The following SGCD variants were observed in gnomAD, a reference collection of about 807,000 sequenced individuals.
SGCD encodes the protein sarcoglycan delta.
In SGCD, 18 loss-of-function variants were observed where a neutral mutation model predicts 36.6. The ratio of observed to expected loss-of-function variants is 0.49; its 90% CI spans 0.34 to 0.73. The LOEUF (loss-of-function observed/expected upper bound fraction) is 0.73, where lower values mean the gene tolerates loss of function less well. SGCD is among the 30% of genes least tolerant of loss of function. The pLI is 0.01. For synonymous variants in SGCD, 133 were observed against 130.6 expected (o/e 1.02, Z -0.12); for missense variants, 387 against 346.7 (o/e 1.12, Z -0.92).
chr5:155,802,583 T>C, the SGCD span, among the ~76,000 whole-genome samples: 1 of 152,194 alleles, frequency 6.6e-6, no homozygotes, highest in African/African-American at 2.4e-5. Context: ...ACAGTTATTA[T>C]TGCTTTGCTG....
chr5:156,262,179 T>C (rs1001954592), intron 3 of SGCD, among the ~76,000 whole-genome samples: 5 of 152,262 alleles, frequency 3.3e-5, no homozygotes, highest in East Asian at 1.9e-4. Flanking sequence ...ACTCACTGAC[T>C]CACTCAGAGC....
chr5:156,723,893 A>G (rs914474185), intron 7 of SGCD, among the ~76,000 whole-genome samples: 12 of 151,900 alleles, frequency 7.9e-5, no homozygotes, highest in African/African-American at 2.4e-4. Context: ...ATGCATGCAT[A>G]ATATGAGCAA....
At chr5:156,273,214 G>A (rs62383776) in intron 3 of SGCD, among the ~76,000 whole-genome samples, 29,105 of 152,056 alleles carry the variant, frequency 0.19, 4,605 homozygotes, top group African/African-American at 0.44. Context: ...AAGCCCCAGG[G>A]CCCCTCTCTT....
At chr5:156,531,107 G>T (rs1757871614) in intron 4 of SGCD, among the ~76,000 whole-genome samples, 1 of 152,142 alleles carries the variant, frequency 6.6e-6, no homozygotes, top group Non-Finnish European at 1.5e-5. Context: ...TGGGATTAAT[G>T]CCCTTATGAC....
At chr5:156,152,112 A>T (rs1488543136) in intron 3 of SGCD, among the ~76,000 whole-genome samples, 1 of 151,580 alleles carries the variant, frequency 6.6e-6, no homozygotes, top group African/African-American at 2.4e-5. Context: ...TTACCCCTTT[A>T]TAATGTTGAA....
intron 3 of SGCD, among the ~76,000 whole-genome samples, chr5:156,380,669 T>C (rs951127484): frequency 6.6e-6 from 1 of 152,206 alleles, no homozygotes; most frequent in Non-Finnish European, 1.5e-5. Flanking sequence ...CCATGTGATA[T>C]TAAATATGTC....
chr5:156,713,412 G>GCA (rs932940971), intron 7 of SGCD, among the ~76,000 whole-genome samples: 1 of 149,504 alleles, frequency 6.7e-6, no homozygotes, highest in South Asian at 2.2e-4. Context: ...GAACATGTCG[G>GCA]GGGGGGCGTT....
intron 1 of SGCD, among the ~76,000 whole-genome samples, chr5:155,977,157 C>T (rs1379585997): frequency 6.6e-6 from 1 of 152,204 alleles, no homozygotes; most frequent in African/African-American, 2.4e-5. Flanking sequence ...GGAAGCACCT[C>T]ATCATTGCCC....
the SGCD span, among the ~76,000 whole-genome samples, chr5:155,824,607 C>T: frequency 6.6e-6 from 1 of 152,264 alleles, no homozygotes; most frequent in East Asian, 1.9e-4. Context: ...CCTTCACATG[C>T]ATTTCTTCCT....
At chr5:156,642,100 C>G (rs533191005) in intron 6 of SGCD, among the ~76,000 whole-genome samples, 18 of 152,244 alleles carry the variant, frequency 1.2e-4, no homozygotes, top group Non-Finnish European at 1.9e-4. Context: ...CTTACTGTAT[C>G]TTCACATGGT....
chr5:156,107,680 T>C (rs1183725550), intron 1 of SGCD, among the ~76,000 whole-genome samples: 1 of 152,156 alleles, frequency 6.6e-6, no homozygotes, highest in East Asian at 1.9e-4. Flanking sequence ...GTAGTTGATC[T>C]TTGTTTTTTT....
chr5:156,289,028 G>A (rs1766690327), intron 3 of SGCD, among the ~76,000 whole-genome samples: 1 of 152,260 alleles, frequency 6.6e-6, no homozygotes, highest in East Asian at 1.9e-4. Context: ...AGGAGTTAGA[G>A]TCCTTGTTAG....
chr5:156,719,687 G>T (rs972178102), intron 7 of SGCD, among the ~76,000 whole-genome samples: 2 of 152,104 alleles, frequency 1.3e-5, no homozygotes, highest in Admixed American at 1.3e-4. Context: ...AATTTAAACG[G>T]CTGTCATATG....
chr5:156,167,203 G>A (rs1763234167), intron 3 of SGCD, among the ~76,000 whole-genome samples: 1 of 151,980 alleles, frequency 6.6e-6, no homozygotes, highest in East Asian at 1.9e-4. Flanking sequence ...CTGACAATCC[G>A]CATATGTTCC....
intron 1 of SGCD, among the ~76,000 whole-genome samples, chr5:156,035,400 G>A (rs1759464338): frequency 6.6e-6 from 1 of 152,082 alleles, no homozygotes; most frequent in African/African-American, 2.4e-5. Context: ...GAGGCCAAGT[G>A]TTCAATACTA....
Position 156,307,552 on chromosome 5 carries a change from G to GT in SGCD, c.-43-21980dup. ...CTTCTTGTCTGTATACATTTTAACT[G>GT]TTGTTTTTTTTTTTTTTTTTTTTTT... On this transcript the variant is annotated intron_variant, in intron 3 of 9. Coordinates refer to the SGCD transcript ENST00000517913. Among the ~76,000 whole-genome samples the GT allele has an allele frequency of 5.0e-3, 243 of 48,366 alleles. 23 individuals carry two copies. Among genetic ancestry groups the GT allele is most frequent in the Middle Eastern group, 0.022 (1 of 46 alleles). The allele number at this position is 48,366 out of a possible 152,430, so 31.7% of individuals were successfully genotyped here.
intron 7 of SGCD, 78 bp downstream of exon 7, chr5:156,647,614 A>G: frequency 1.1e-6 from 1 of 926,490 alleles, no homozygotes; most frequent in Non-Finnish European, 1.7e-6. Flanking sequence ...TTCATTCTGA[A>G]TAAATAATAA....
At position 156,521,076 on chromosome 5, in the gene SGCD, A is replaced by T. The variant is rs548827821; in HGVS notation, c.294+12374A>T. 2.0e-5 allele frequency among the ~76,000 whole-genome samples: 3 copies of T among 151,678 alleles called. No individual in the cohort carries two copies. The East Asian group carries it at 5.8e-4, about 29-fold the overall frequency. On this transcript the variant is annotated intron_variant, in intron 4 of 8. Coordinates refer to ENST00000337851, the MANE Select transcript of SGCD (RefSeq NM_000337.6). Reference sequence around the variant, plus strand: ...TCTACAACCATCTGATCTTCAACAAACCTGACAAAAACAAGCAATGGGGAA... The same window carrying T: ...TCTACAACCATCTGATCTTCAACAATCCTGACAAAAACAAGCAATGGGGAA...
chr5:155,782,118 G>A, the SGCD span, among the ~76,000 whole-genome samples: 1 of 151,014 alleles, frequency 6.6e-6, no homozygotes, highest in Non-Finnish European at 1.5e-5. Flanking sequence ...TCTGCCTCCT[G>A]GGTTCAAGTG....
Sources: allele counts gnomAD v4.1 joint callset (sites outside exome capture counted in the v4.1 genomes callset), GRCh38; gene constraint gnomAD v4.1.1; transcripts MANE v1.5; gene names NCBI Gene and HGNC (gene_info 2026-07-23, HGNC 2026-07-21).